Variants in C7orf57 observed in about 807,000 individuals in gnomAD.
C7orf57 encodes chromosome 7 open reading frame 57, also known as uncharacterized protein C7orf57.
C7orf57 carries 33 observed loss-of-function variants against 39.0 expected under a neutral mutation model. That is an observed-to-expected ratio of 0.85 (90% CI 0.64 to 1.13). The LOEUF (loss-of-function observed/expected upper bound fraction) is 1.13. C7orf57 is among the 50% of genes most tolerant of loss of function. The pLI is 0.00. For missense variants in C7orf57, 346 were observed against 362.3 expected (o/e 0.95, Z 0.37); for synonymous variants, 124 against 137.1 (o/e 0.90, Z 0.67).
chr7:48,047,255 G>C (rs1790744291), intron 5 of C7orf57, among the ~76,000 whole-genome samples: 1 of 152,220 alleles, frequency 6.6e-6, no homozygotes, highest in African/African-American at 2.4e-5. Flanking sequence ...CAAGGGCTCA[G>C]TGTTGCCCGG....
In C7orf57 at chr7:48,060,526, C is replaced by T. The variant is rs1026437629; in HGVS notation, c.*254C>T. The stretch of plus-strand genomic sequence containing the variant: ...CCTCTGGTACCCTCTGCCCTGCTGG[C>T]CTGGTGATGTCCCAGTGTCTCAGAA... On this transcript the variant is annotated 3_prime_UTR_variant, in exon 9 of 9. Coordinates refer to ENST00000348904, the MANE Select transcript of C7orf57 (RefSeq NM_001100159.3). 1.8e-4 allele frequency: 59 copies of T among 324,700 alleles called. No homozygotes were observed. Among genetic ancestry groups the T allele is most frequent in the African/African-American group, 1.3e-3 (59 of 46,972 alleles). 20.1% of individuals were successfully genotyped at this position (324,700 alleles called of 1,614,324 possible).
chr7:48,038,971 C>T (rs1790467683), intron 2 of C7orf57, among the ~76,000 whole-genome samples: 1 of 152,104 alleles, frequency 6.6e-6, no homozygotes, highest in Admixed American at 6.5e-5. Context: ...AAAGGAGTGA[C>T]TGGGTTAAGA....
chr7:48,041,333 G>C lies in C7orf57; in HGVS notation c.56-1G>C. ...TGGCCCTCCGCCTCTCTCCTCTATA[G>C]ATTGGTATTACCACGTCCCAGTGAA... On this transcript the variant is annotated splice_acceptor_variant, in intron 2 of 8. Transcript: ENST00000348904. LOFTEE classifies it high-confidence loss of function. The C allele has an allele frequency of 1.9e-6, 3 of 1,611,362 alleles. No homozygotes were observed. Among genetic ancestry groups the C allele is most frequent in the Non-Finnish European group, 1.7e-6 (2 of 1,178,464 alleles).
chr7:48,045,419 A>G (rs2708856), intron 4 of C7orf57, among the ~76,000 whole-genome samples: 131,403 of 151,828 alleles, frequency 0.87, 57,288 homozygotes, highest in Non-Finnish European at 0.93. Flanking sequence ...AGCCACACTC[A>G]TGGCTTCTCT....
In C7orf57 at chr7:48,036,382, C is replaced by T; in HGVS notation, c.55+19C>T. 1 of 1,558,020 alleles carries T rather than the reference C, an allele frequency of 6.4e-7. No individual in the cohort carries two copies. The highest frequency in any genetic ancestry group is 8.7e-7 in the Non-Finnish European group (1 of 1,152,716). On this transcript the variant is annotated intron_variant, in intron 2 of 8. Coordinates refer to ENST00000348904, the MANE Select transcript of C7orf57 (RefSeq NM_001100159.3). ...CCCTGCGGTGAGTGCGCCCTGAGCGCGTCCCGGCCAGAAAGAGCTGGGTGC... is the reference window on the plus strand; with the variant it reads ...CCCTGCGGTGAGTGCGCCCTGAGCGTGTCCCGGCCAGAAAGAGCTGGGTGC...
rs1790547911 is a variant in C7orf57 at position 48,041,488 on chromosome 7, T to C, written c.210T>C (p.Tyr70=). The C allele has an allele frequency of 1.9e-6, 3 of 1,611,990 alleles. No homozygotes were observed. The highest frequency in any genetic ancestry group is 2.5e-6 in the Non-Finnish European group (3 of 1,178,546). Residue 70 remains tyrosine (Y), a synonymous_variant, in exon 3 of 9, where the codon TAT becomes TAC. Coordinates refer to ENST00000348904, the MANE Select transcript of C7orf57 (RefSeq NM_001100159.3). ...GGATAAAAGAAACAGATTCGGAATA[T>C]GTGAAGCTCGCGAAACAAGGTGGCA... is the stretch of plus-strand genomic sequence containing the variant. ...RYWIKETDSE[Y]VKLAKQGGRP...
chr7:48,049,987 T>A lies in C7orf57; in HGVS notation c.605+10T>A. The A allele has an allele frequency of 6.4e-7, 1 of 1,564,670 alleles. No individual in the cohort carries two copies. The highest frequency in any genetic ancestry group is 8.8e-7 in the Non-Finnish European group (1 of 1,135,412). ...TCTCCTTCCCCCCCGTGTAAGTGCTTGAGCTACGCCCTCACTGTCTGGACT... is the reference window on the plus strand; with the variant it reads ...TCTCCTTCCCCCCCGTGTAAGTGCTAGAGCTACGCCCTCACTGTCTGGACT... On this transcript the variant is annotated intron_variant, in intron 6 of 8. Transcript: ENST00000348904.
chr7:48,060,358 T>C lies in C7orf57; in HGVS notation c.*86T>C. 2.4e-6 allele frequency: 2 copies of C among 820,592 alleles called. No individual in the cohort carries two copies. The highest frequency in any genetic ancestry group is 5.7e-5 in the East Asian group (2 of 35,204). The allele number at this position is 820,592 out of a possible 1,614,324, so 50.8% of individuals were successfully genotyped here. On this transcript the variant is annotated 3_prime_UTR_variant, in exon 9 of 9. Coordinates refer to ENST00000348904, the MANE Select transcript of C7orf57 (RefSeq NM_001100159.3). ...TATAGCTATATTTCTGAGGCTTTTT[T>C]TGTATTTTATTAATATAGACTCTCA... is the stretch of plus-strand genomic sequence containing the variant.
intron 2 of C7orf57, 99 bp downstream of exon 2, chr7:48,036,462 A>AG (rs1308155983): frequency 3.4e-6 from 4 of 1,171,576 alleles, no homozygotes; most frequent in Admixed American, 2.9e-5. Context: ...TGTGGGCTGG[A>AG]GGGGGGTGTG....
At chr7:48,058,001 G>A (rs989003639) in intron 8 of C7orf57, among the ~76,000 whole-genome samples, 1 of 152,036 alleles carries the variant, frequency 6.6e-6, no homozygotes, top group African/African-American at 2.4e-5. Context: ...CACATTTAAT[G>A]ATTTGCATAT....
intron 6 of C7orf57, among the ~76,000 whole-genome samples, chr7:48,052,250 C>T (rs10276338): frequency 0.41 from 63,070 of 151,978 alleles, 14,136 homozygotes; most frequent in Non-Finnish European, 0.49. Flanking sequence ...GGATTATAGG[C>T]GTGAGCCACG....
rs1246043274 is a variant in C7orf57 at position 48,061,064 on chromosome 7, G to C, written c.*792G>C. On this transcript the variant is annotated 3_prime_UTR_variant, in exon 9 of 9. Transcript: ENST00000348904. Reference sequence around the variant, plus strand: ...TAAAATAATAATTTTATGTGAGAATGTTTTCAAAAAGCCAAATAAAGTCAC... The same window carrying C: ...TAAAATAATAATTTTATGTGAGAATCTTTTCAAAAAGCCAAATAAAGTCAC... 6.6e-6 allele frequency: 1 copy of C among 152,056 alleles called. No homozygotes were observed. Among genetic ancestry groups the C allele is most frequent in the Non-Finnish European group, 1.5e-5 (1 of 67,970 alleles). The allele number at this position is 152,056 out of a possible 1,614,324, so 9.4% of individuals were successfully genotyped here.
intron 8 of C7orf57, among the ~76,000 whole-genome samples, chr7:48,055,105 T>C (rs1791080189): frequency 6.6e-6 from 1 of 152,184 alleles, no homozygotes; most frequent in African/African-American, 2.4e-5. Flanking sequence ...CTCGATCTCC[T>C]GACCTCGTGA....
intron 6 of C7orf57, among the ~76,000 whole-genome samples, chr7:48,051,871 C>CCT (rs1554299791): frequency 0.015 from 472 of 31,780 alleles, 43 homozygotes; most frequent in Middle Eastern, 0.053. Context: ...TTCTTTCTTT[C>CCT]TCTTTCTCTT....
rs67831054 is a variant in C7orf57 at position 48,038,383 on chromosome 7, T to TATAGATAGATAG, written c.55+2046_55+2057dup. Among the ~76,000 whole-genome samples, 1,060 of 150,230 alleles carry TATAGATAGATAG rather than the reference T, an allele frequency of 7.1e-3. 4 individuals carry two copies. Among genetic ancestry groups the TATAGATAGATAG allele is most frequent in the African/African-American group, 0.016 (670 of 40,852 alleles). On this transcript the variant is annotated intron_variant, in intron 2 of 8. Transcript: ENST00000348904. ...ATCCATGTCTATCTTTCTATATACATATAGATAGATAGATAGATAGATAGA... is the reference window on the plus strand; with the variant it reads ...ATCCATGTCTATCTTTCTATATACATATAGATAGATAGATAGATAGATAGATAGATAGATAGA...
rs187573966 is a variant in C7orf57 at position 48,035,833 on chromosome 7, C to T, written c.-102+203C>T. On this transcript the variant is annotated intron_variant, in intron 1 of 8. Coordinates refer to ENST00000348904, the MANE Select transcript of C7orf57 (RefSeq NM_001100159.3). The surrounding 1 kb of genome is among the most constrained non-coding windows in gnomAD (Gnocchi z 4.0). ...CCCTTGGTTACCTGTTGCTTATCCT[C>T]TCTGTACTTGCTGTGTCCCTGGCGT... is the stretch of plus-strand genomic sequence containing the variant. Among the ~76,000 whole-genome samples the T allele has an allele frequency of 2.0e-5, 3 of 152,210 alleles. No homozygotes were observed. Among genetic ancestry groups the T allele is most frequent in the Non-Finnish European group, 4.4e-5 (3 of 68,040 alleles).
chr7:48,051,817 C>CTCTTCTCTTTCTTTCTT (rs1554299753), intron 6 of C7orf57, among the ~76,000 whole-genome samples: 2 of 51,178 alleles, frequency 3.9e-5, no homozygotes, highest in South Asian at 1.6e-3. Flanking sequence ...CTTTTCTCTT[C>CTCTTCTCTTTCTTTCTT]TCTTTCTTTC....
chr7:48,051,411 C>T (rs907971976), intron 6 of C7orf57, among the ~76,000 whole-genome samples: 9 of 136,960 alleles, frequency 6.6e-5, no homozygotes, highest in East Asian at 2.2e-4. Flanking sequence ...AGTGCAGCGG[C>T]GCAATCTTGG....
At chr7:48,040,314 T>G (rs1323271504) in intron 2 of C7orf57, among the ~76,000 whole-genome samples, 1 of 152,212 alleles carries the variant, frequency 6.6e-6, no homozygotes, top group African/African-American at 2.4e-5. Flanking sequence ...GCTCTCTTCC[T>G]CCACTCGATT....
Sources: allele counts gnomAD v4.1 joint callset (sites outside exome capture counted in the v4.1 genomes callset), GRCh38; gene constraint gnomAD v4.1.1; non-coding constraint Gnocchi (gnomAD v3.1); transcripts MANE v1.5; gene names NCBI Gene and HGNC (gene_info 2026-07-23, HGNC 2026-07-21).